Variants in AGAP1 observed in about 807,000 individuals in gnomAD.
The protein encoded by AGAP1 is ArfGAP with GTPase domain, ankyrin repeat and PH domain 1.
Under a neutral mutation model 105.3 loss-of-function variants are expected in AGAP1, and 29 were observed. That is an observed-to-expected ratio of 0.28 (90% CI 0.21 to 0.38). AGAP1 has a LOEUF of 0.38. AGAP1 is among the 10% of genes least tolerant of loss of function. AGAP1 has a pLI of 1.00. For synonymous variants in AGAP1, 509 were observed against 485.9 expected, an observed-to-expected ratio of 1.05 and a Z score of -0.63; for missense variants, 998 against 1,165.1, an observed-to-expected ratio of 0.86 and a Z score of 2.09.
At chr2:235,542,211 G>A (rs1025040338) in intron 1 of AGAP1, among the ~76,000 whole-genome samples, 4 of 146,980 alleles carry the variant, frequency 2.7e-5, no homozygotes, top group Non-Finnish European at 4.5e-5. Context: ...TTCAGACAGT[G>A]GGTCCCGGGG....
rs1406111447 is a variant in AGAP1, at chr2:235,994,768, A to T, written c.1645+26145A>T. On this transcript the variant is annotated intron_variant, in intron 13 of 17. Transcript: ENST00000304032. This position sits in a 1 kb window ranked among gnomAD's most constrained non-coding sequence, Gnocchi z 4.4. Reference sequence around the variant, plus strand: ...TGAATTTCTTTCTTTTTTTTTTTTTAAACTAAAATTAGAATAGGCCGGGCC... The same window carrying T: ...TGAATTTCTTTCTTTTTTTTTTTTTTAACTAAAATTAGAATAGGCCGGGCC... 2.7e-5 allele frequency among the ~76,000 whole-genome samples: 4 copies of T among 150,378 alleles called. No homozygotes were observed. Among genetic ancestry groups the T allele is most frequent in the South Asian group, 2.1e-4 (1 of 4,760 alleles).
At position 235,732,604 on chromosome 2, in the gene AGAP1, C is replaced by T. The variant is rs974588890; in HGVS notation, c.311-8359C>T. ...TTCCCTCCTTCCTCTCCCCAAGCCT[C>T]TCCCGCCTTCCCATTTTCCCTGCTG... On this transcript the variant is annotated intron_variant, in intron 3 of 17. Coordinates refer to ENST00000304032, the MANE Select transcript of AGAP1 (RefSeq NM_001037131.3). The surrounding 1 kb of genome is among the most constrained non-coding windows in gnomAD (Gnocchi z 4.8). Among the ~76,000 whole-genome samples the T allele has an allele frequency of 7.9e-5, 12 of 152,300 alleles. No individual in the cohort carries two copies. Among genetic ancestry groups the T allele is most frequent in the African/African-American group, 2.9e-4 (12 of 41,576 alleles).
In AGAP1 at chr2:236,105,959, A is replaced by G. The variant is rs1300744468; in HGVS notation, c.2115-14233A>G. ...TCATGGGAGTCTACTCTCCTGACCT[A>G]ATCACCTCCCAGAGGTCCTGTCACC... is the stretch of plus-strand genomic sequence containing the variant. On this transcript the variant is annotated intron_variant, in intron 16 of 17. Transcript: ENST00000304032. This position sits in a 1 kb window ranked among gnomAD's most constrained non-coding sequence, Gnocchi z 4.2. 6.6e-6 allele frequency among the ~76,000 whole-genome samples: 1 copy of G among 151,940 alleles called. No homozygotes were observed. Among genetic ancestry groups the G allele is most frequent in the Non-Finnish European group, 1.5e-5 (1 of 67,972 alleles).
Position 235,983,417 on chromosome 2 carries a change from A to G in AGAP1, c.1645+14794A>G, listed in dbSNP as rs1259062737. ...TTTCTCCTTTCCTTCTTTCTCTTCC[A>G]TTCTCCTTTTTCCTGTAAGACTGTC... On this transcript the variant is annotated intron_variant, in intron 13 of 17. Coordinates refer to ENST00000304032, the MANE Select transcript of AGAP1 (RefSeq NM_001037131.3). This position sits in a 1 kb window ranked among gnomAD's most constrained non-coding sequence, Gnocchi z 4.5. 2.0e-5 allele frequency among the ~76,000 whole-genome samples: 3 copies of G among 150,798 alleles called. No homozygotes were observed. Among genetic ancestry groups the G allele is most frequent in the African/African-American group, 7.3e-5 (3 of 40,908 alleles).
intron 1 of AGAP1, among the ~76,000 whole-genome samples, chr2:235,534,191 C>G (rs1943135160): frequency 6.6e-6 from 1 of 152,216 alleles, no homozygotes. Flanking sequence ...GTGGCTCAGG[C>G]AAAGGGCTTG....
intron 7 of AGAP1, among the ~76,000 whole-genome samples, chr2:235,798,464 T>A (rs1414455452): frequency 6.6e-6 from 1 of 152,202 alleles, no homozygotes; most frequent in East Asian, 1.9e-4. Context: ...TGGGCAGGTA[T>A]TCTATTGGCA....
rs966761857 is a variant in AGAP1, at chr2:235,608,006, G to A, written c.164-101173G>A. On this transcript the variant is annotated intron_variant, in intron 1 of 17. Transcript: ENST00000304032. This position sits in a 1 kb window ranked among gnomAD's most constrained non-coding sequence, Gnocchi z 5.4. ...TGCCTCAAGTGAGCGAGTGCCTGCT[G>A]TCTCAGACATGAGGTGGATGCTGAA... Among the ~76,000 whole-genome samples, 1 of 152,234 alleles carries A rather than the reference G, an allele frequency of 6.6e-6. No individual in the cohort carries two copies. Among genetic ancestry groups the A allele is most frequent in the Non-Finnish European group, 1.5e-5 (1 of 68,046 alleles).
intron 6 of AGAP1, among the ~76,000 whole-genome samples, chr2:235,764,697 G>A (rs1575383679): frequency 8.2e-6 from 1 of 122,542 alleles, no homozygotes; most frequent in Non-Finnish European, 1.8e-5. Flanking sequence ...CGCCCGTGGG[G>A]TGGGGGCATC....
At chr2:235,757,595 T>C (rs1251955072) in intron 6 of AGAP1, among the ~76,000 whole-genome samples, 1 of 152,240 alleles carries the variant, frequency 6.6e-6, no homozygotes, top group African/African-American at 2.4e-5. Context: ...AGCACTTTTA[T>C]AGAAGCCATT....
chr2:235,590,849 T>C (rs1377077476), intron 1 of AGAP1, among the ~76,000 whole-genome samples: 1 of 149,482 alleles, frequency 6.7e-6, no homozygotes, highest in Non-Finnish European at 1.5e-5. Flanking sequence ...GCCTCCCAAG[T>C]AGCTGGGACT....
intron 1 of AGAP1, among the ~76,000 whole-genome samples, chr2:235,541,410 C>CGAAGT (rs1171087151): frequency 1.0e-5 from 1 of 97,918 alleles, no homozygotes; most frequent in Non-Finnish European, 1.9e-5. Flanking sequence ...TTTTTTGAGA[C>CGAAGT]GAAGTCTCAC....
chr2:235,566,931 C>G lies in AGAP1; in HGVS notation c.163+72082C>G, dbSNP rs548525708. ...AGAGCAGGATTCCTCCTAGCCTTTT[C>G]CGGCCTCTGGTGGCCCCTGGCAATC... is the stretch of plus-strand genomic sequence containing the variant. On this transcript the variant is annotated intron_variant, in intron 1 of 17. Transcript: ENST00000304032. This position sits in a 1 kb window ranked among gnomAD's most constrained non-coding sequence, Gnocchi z 5.2. Among the ~76,000 whole-genome samples, 5 of 152,344 alleles carry G rather than the reference C, an allele frequency of 3.3e-5. No homozygotes were observed. The East Asian group carries it at 9.6e-4, about 29-fold the overall frequency.
chr2:235,923,345 A>C lies in AGAP1; in HGVS notation c.1325-7420A>C, dbSNP rs188505441. ...TTCCTGACCTGACCTCTGCATTCACAAGCCATTCCAATGACATTTTCTAGG... is the reference window on the plus strand; with the variant it reads ...TTCCTGACCTGACCTCTGCATTCACCAGCCATTCCAATGACATTTTCTAGG... On this transcript the variant is annotated intron_variant, in intron 11 of 17. Transcript: ENST00000304032. Among the ~76,000 whole-genome samples, 8 of 152,234 alleles carry C rather than the reference A, an allele frequency of 5.3e-5. No individual in the cohort carries two copies. In the East Asian group the frequency reaches 1.5e-3, roughly 29 times the overall value.
chr2:235,517,360 C>T lies in AGAP1; in HGVS notation c.163+22511C>T, dbSNP rs1017645096. On this transcript the variant is annotated intron_variant, in intron 1 of 17. Transcript: ENST00000304032. The surrounding 1 kb of genome is among the most constrained non-coding windows in gnomAD (Gnocchi z 4.1). ...GCAGTCCGTACAGCATCCCTCCCTC[C>T]CTGGTGGTTTCTGAGGATTTGTCAC... 2.6e-5 allele frequency among the ~76,000 whole-genome samples: 4 copies of T among 152,142 alleles called. No individual in the cohort carries two copies. The highest frequency in any genetic ancestry group is 7.2e-5 in the African/African-American group (3 of 41,412).
intron 14 of AGAP1, among the ~76,000 whole-genome samples, chr2:236,037,973 A>C (rs1441280364): frequency 1.3e-5 from 2 of 152,196 alleles, no homozygotes; most frequent in Non-Finnish European, 2.9e-5. Flanking sequence ...CAGCTTTGTC[A>C]CTAAAAAGAG....
intron 1 of AGAP1, among the ~76,000 whole-genome samples, chr2:235,676,132 G>A (rs1198806132): frequency 6.6e-6 from 1 of 152,208 alleles, no homozygotes; most frequent in Non-Finnish European, 1.5e-5. Context: ...CACAGTTCCT[G>A]TCTTCAGAGG....
intron 1 of AGAP1, among the ~76,000 whole-genome samples, chr2:235,653,272 T>C (rs1172226271): frequency 6.6e-6 from 1 of 152,014 alleles, no homozygotes; most frequent in Non-Finnish European, 1.5e-5. Flanking sequence ...GAGACCATCC[T>C]GGCTATCACG....
chr2:236,116,558 A>C (rs911139294), intron 16 of AGAP1, among the ~76,000 whole-genome samples: 2 of 152,092 alleles, frequency 1.3e-5, no homozygotes, highest in African/African-American at 4.8e-5. Context: ...CATGTTGGCC[A>C]GGCTGGTCTC....
At chr2:236,068,421 G>A (rs1003237950) in intron 16 of AGAP1, among the ~76,000 whole-genome samples, 2 of 152,130 alleles carry the variant, frequency 1.3e-5, no homozygotes, top group African/African-American at 4.8e-5. Context: ...AGTGAAAGTT[G>A]GGGAAACCTT....
Sources: gnomAD v4.1 joint callset for allele counts (sites outside exome capture counted in the v4.1 genomes callset) on GRCh38, gnomAD v4.1.1 for gene constraint, Gnocchi (gnomAD v3.1) non-coding constraint, MANE v1.5 for transcripts, NCBI Gene and HGNC (gene_info 2026-07-23, HGNC 2026-07-21) for gene names.